Variants in PCED1B observed in about 807,000 individuals in gnomAD.
PCED1B encodes PC-esterase domain containing 1B.
For missense variants in PCED1B, 573 were observed against 573.9 expected, an observed-to-expected ratio of 1.00 and a Z score of 0.02; for synonymous variants, 251 against 246.1, an observed-to-expected ratio of 1.02 and a Z score of -0.19.
At chr12:47,158,921 C>T (rs986488185) in intron 2 of PCED1B, among the ~76,000 whole-genome samples, 5 of 152,174 alleles carry the variant, frequency 3.3e-5, no homozygotes, top group South Asian at 2.1e-4. Flanking sequence ...CCCCCACCCA[C>T]ACATAGCCTC....
intron 2 of PCED1B, among the ~76,000 whole-genome samples, chr12:47,181,862 C>T (rs925998253): frequency 2.0e-5 from 3 of 152,098 alleles, no homozygotes; most frequent in African/African-American, 7.2e-5. Flanking sequence ...TGATTCCAAT[C>T]CTGTCAAAAG....
At chr12:47,165,328 T>C (rs1941510814) in intron 2 of PCED1B, among the ~76,000 whole-genome samples, 1 of 152,210 alleles carries the variant, frequency 6.6e-6, no homozygotes, top group Non-Finnish European at 1.5e-5. Flanking sequence ...GACACCACTA[T>C]TTTACAGCCA....
At chr12:47,173,435 G>A (rs1941816228) in intron 2 of PCED1B, among the ~76,000 whole-genome samples, 1 of 152,122 alleles carries the variant, frequency 6.6e-6, no homozygotes, top group South Asian at 2.1e-4. Flanking sequence ...TGTATTTTTA[G>A]TAGAGACAGG....
intron 3 of PCED1B, among the ~76,000 whole-genome samples, chr12:47,228,718 CA>C (rs947226253): frequency 6.6e-6 from 1 of 151,486 alleles, no homozygotes; most frequent in African/African-American, 2.4e-5. Context: ...AAAAAAACTA[CA>C]AAAATTAGCC....
At chr12:47,138,663 A>G (rs1940478135) in intron 2 of PCED1B, among the ~76,000 whole-genome samples, 2 of 152,204 alleles carry the variant, frequency 1.3e-5, no homozygotes, top group South Asian at 4.1e-4. Context: ...TGGATCCAGT[A>G]CGTATTTCAC....
At chr12:47,167,519 C>T (rs1052019886) in intron 2 of PCED1B, among the ~76,000 whole-genome samples, 1 of 152,010 alleles carries the variant, frequency 6.6e-6, no homozygotes, top group African/African-American at 2.4e-5. Context: ...GGGGAAAGAG[C>T]CAGTTGTCTT....
At chr12:47,107,757 C>T (rs1939020659) in intron 2 of PCED1B, among the ~76,000 whole-genome samples, 1 of 152,206 alleles carries the variant, frequency 6.6e-6, no homozygotes, top group South Asian at 2.1e-4. Flanking sequence ...GCTAGCCTCC[C>T]ACCCACTAGC....
chr12:47,120,657 C>G (rs1939637452), intron 2 of PCED1B, among the ~76,000 whole-genome samples: 2 of 151,988 alleles, frequency 1.3e-5, no homozygotes, highest in African/African-American at 2.4e-5. Context: ...CAAAAATTAG[C>G]TAGGCATGGT....
At chr12:47,218,384 G>T (rs1177367715) in intron 3 of PCED1B, among the ~76,000 whole-genome samples, 1 of 152,182 alleles carries the variant, frequency 6.6e-6, no homozygotes, top group South Asian at 2.1e-4. Context: ...CCTTTCTTCC[G>T]CTCCAAGCCG....
At chr12:47,211,012 A>G (rs1214262900) in intron 2 of PCED1B, among the ~76,000 whole-genome samples, 1 of 152,378 alleles carries the variant, frequency 6.6e-6, no homozygotes, top group Middle Eastern at 3.4e-3. Flanking sequence ...GCAAATATTC[A>G]TCATAAAAGA....
intron 2 of PCED1B, among the ~76,000 whole-genome samples, chr12:47,104,534 G>C (rs1938860492): frequency 6.6e-6 from 1 of 152,166 alleles, no homozygotes; most frequent in African/African-American, 2.4e-5. Context: ...CCTGAATGCT[G>C]TGGGTATCAG....
intron 1 of PCED1B, among the ~76,000 whole-genome samples, chr12:47,091,050 T>C (rs1426818269): frequency 6.6e-6 from 1 of 152,112 alleles, no homozygotes; most frequent in Non-Finnish European, 1.5e-5. Context: ...TTCTAGTAGG[T>C]GTATGCCTTG....
At chr12:47,206,590 T>G (rs1448380405) in intron 2 of PCED1B, 1 of 152,304 alleles carries the variant, frequency 6.6e-6, no homozygotes, top group African/African-American at 2.4e-5. Flanking sequence ...CTCAGCCTGC[T>G]GGGGACAAGG....
chr12:47,154,337 T>G (rs966246429), intron 2 of PCED1B, among the ~76,000 whole-genome samples: 3 of 152,184 alleles, frequency 2.0e-5, no homozygotes, highest in African/African-American at 7.2e-5. Context: ...CTCATTTGAA[T>G]CATGCTTAGC....
intron 3 of PCED1B, among the ~76,000 whole-genome samples, chr12:47,217,226 C>A (rs1037367821): frequency 1.3e-5 from 2 of 151,624 alleles, no homozygotes; most frequent in African/African-American, 4.9e-5. Flanking sequence ...CATGATGAAA[C>A]CCTGTCTCTA....
intron 2 of PCED1B, among the ~76,000 whole-genome samples, chr12:47,132,594 T>G (rs1473739054): frequency 1.3e-5 from 2 of 152,148 alleles, no homozygotes; most frequent in Admixed American, 6.5e-5. Flanking sequence ...TGAAGTCAGT[T>G]TAGCCATTGT....
intron 1 of PCED1B, among the ~76,000 whole-genome samples, chr12:47,089,143 T>G (rs1199169804): frequency 6.6e-6 from 1 of 151,932 alleles, no homozygotes; most frequent in Non-Finnish European, 1.5e-5. Context: ...GGAGAGGGAC[T>G]TAAAATATAA....
At chr12:47,133,614 A>G (rs1462142449) in intron 2 of PCED1B, among the ~76,000 whole-genome samples, 1 of 152,204 alleles carries the variant, frequency 6.6e-6, no homozygotes, top group East Asian at 1.9e-4. Context: ...TGTGCATTAA[A>G]TAAGCCACAG....
rs1943937813 is a variant in PCED1B, at chr12:47,235,256, G to C, written c.193G>C (p.Gly65Arg). The C allele has an allele frequency of 6.2e-7, 1 of 1,613,848 alleles. No homozygotes were observed. Among genetic ancestry groups the C allele is most frequent in the East Asian group, 2.2e-5 (1 of 44,874 alleles). ...NFEQDELVDG[G>R]QRGHMHNGLN... ...CGAACAAGATGAGCTGGTGGACGGA[G>C]GCCAGCGGGGCCACATGCACAACGG... Residue 65 changes from glycine (G) to arginine (R), a missense_variant, in exon 4 of 4, where the codon GGC becomes CGC. Physicochemically the swap from Gly to Arg is moderately radical, Grantham distance 125. Coordinates refer to ENST00000546455, the MANE Select transcript of PCED1B (RefSeq NM_138371.3).
Sources: gnomAD v4.1 joint callset for allele counts (sites outside exome capture counted in the v4.1 genomes callset) on GRCh38, gnomAD v4.1.1 for gene constraint, MANE v1.5 for transcripts, NCBI Gene and HGNC (gene_info 2026-07-23, HGNC 2026-07-21) for gene names.